NAV1: variants seen among roughly 807,000 people sequenced by gnomAD.
NAV1 encodes the protein neuron navigator 1, also known as pore membrane and/or filament interacting like protein 3.
Under a neutral mutation model 175.2 loss-of-function variants are expected in NAV1, and 18 were observed. The observed-to-expected ratio is 0.10, with a 90% confidence interval of 0.07 to 0.15. The LOEUF (loss-of-function observed/expected upper bound fraction) is 0.15, where lower values mean the gene tolerates loss of function less well. NAV1 is among the 10% of genes least tolerant of loss of function. NAV1 has a pLI of 1.00. For missense variants in NAV1, 1,731 were observed against 2,436.6 expected (o/e 0.71, Z 6.10); for synonymous variants, 897 against 978.7 (o/e 0.92, Z 1.56).
intron 1 of NAV1, among the ~76,000 whole-genome samples, chr1:201,557,027 C>T (rs1273897624): frequency 1.3e-5 from 2 of 152,112 alleles, no homozygotes; most frequent in South Asian, 2.1e-4. Context: ...GACCACAGGG[C>T]CCCCACTTAA....
intron 2 of NAV1, among the ~76,000 whole-genome samples, chr1:201,604,480 G>A (rs1349805458): frequency 3.3e-5 from 5 of 152,064 alleles, no homozygotes; most frequent in Admixed American, 2.0e-4. Flanking sequence ...TCAGGAGTTC[G>A]AGACAAGCCT....
rs147681761 is a variant in NAV1 at position 201,605,230 on chromosome 1, C to T, written c.-33+16581C>T. On this transcript the variant is annotated intron_variant, in intron 2 of 33. Coordinates refer to the NAV1 transcript ENST00000685211. The stretch of plus-strand genomic sequence containing the variant: ...TTCTCTACTTTCCACCTTCCCTCTC[C>T]ATCCTCTCTGCTCCTTTAGACCTTG... Among the ~76,000 whole-genome samples the T allele has an allele frequency of 2.3e-3, 346 of 151,320 alleles. 2 individuals are homozygous for T. Among genetic ancestry groups the T allele is most frequent in the African/African-American group, 8.0e-3 (328 of 41,154 alleles).
At chr1:201,676,581 C>T (rs1479229024) in intron 1 of NAV1, among the ~76,000 whole-genome samples, 1 of 152,046 alleles carries the variant, frequency 6.6e-6, no homozygotes, top group Non-Finnish European at 1.5e-5. Context: ...AGTTTCACCC[C>T]AGTGGTCCAG....
chr1:201,599,478 A>G (rs1667459030), intron 2 of NAV1, among the ~76,000 whole-genome samples: 1 of 152,194 alleles, frequency 6.6e-6, no homozygotes, highest in Non-Finnish European at 1.5e-5. Flanking sequence ...AGCACAGAGC[A>G]CAAAATGAAT....
intron 1 of NAV1, among the ~76,000 whole-genome samples, chr1:201,573,244 G>A (rs1666599201): frequency 6.6e-6 from 1 of 152,242 alleles, no homozygotes; most frequent in Admixed American, 6.5e-5. Flanking sequence ...GCCACAGGGA[G>A]CTGACCCTGG....
chr1:201,776,455 C>CA (rs1470980938), intron 3 of NAV1, among the ~76,000 whole-genome samples: 1 of 150,152 alleles, frequency 6.7e-6, no homozygotes, highest in Non-Finnish European at 1.5e-5. Flanking sequence ...TTCTGGCTAA[C>CA]ACGGTGAAAC....
At chr1:201,653,132 G>C (rs554484415) in intron 1 of NAV1, among the ~76,000 whole-genome samples, 5 of 152,154 alleles carry the variant, frequency 3.3e-5, no homozygotes, top group Non-Finnish European at 7.3e-5. Flanking sequence ...AAAAGCAGAA[G>C]CCGAACAATC....
intron 15 of NAV1, among the ~76,000 whole-genome samples, chr1:201,800,962 G>A (rs1677828575): frequency 6.6e-6 from 1 of 151,992 alleles, no homozygotes; most frequent in South Asian, 2.1e-4. Context: ...CCAAGTAGCT[G>A]GGACCACAGG....
chr1:201,587,620 G>T (rs1437875829), intron 1 of NAV1, among the ~76,000 whole-genome samples: 1 of 152,080 alleles, frequency 6.6e-6, no homozygotes, highest in Non-Finnish European at 1.5e-5. Context: ...GGAGGCACAG[G>T]TTGCAGTGAG....
chr1:201,776,131 A>G (rs903638290), intron 3 of NAV1, among the ~76,000 whole-genome samples: 2 of 152,090 alleles, frequency 1.3e-5, no homozygotes, highest in East Asian at 3.9e-4. Flanking sequence ...ATATATTTAT[A>G]TGTGTGTGTA....
intron 1 of NAV1, among the ~76,000 whole-genome samples, chr1:201,575,930 C>A (rs1220748549): frequency 1.3e-5 from 2 of 152,128 alleles, no homozygotes; most frequent in Non-Finnish European, 2.9e-5. Context: ...CAATTGTTGA[C>A]TTTTATTAAA....
intron 13 of NAV1, 157 bp from the exon 18 acceptor site, chr1:201,793,635 G>A: frequency 1.6e-6 from 1 of 643,176 alleles, no homozygotes; most frequent in Non-Finnish European, 2.7e-6. Context: ...CCCTTTGTCT[G>A]CTCAGGAAAA....
At chr1:201,635,071 C>T (rs1480495485) in intron 2 of NAV1, among the ~76,000 whole-genome samples, 1 of 152,168 alleles carries the variant, frequency 6.6e-6, no homozygotes, top group Non-Finnish European at 1.5e-5. Flanking sequence ...CAGAGTCTCA[C>T]TCTGTCACCC....
At chr1:201,767,897 T>C (rs1263784789) in intron 3 of NAV1, among the ~76,000 whole-genome samples, 2 of 152,252 alleles carry the variant, frequency 1.3e-5, no homozygotes, top group Non-Finnish European at 2.9e-5. Flanking sequence ...GAATGGGATA[T>C]CTTTGGAACT....
At chr1:201,688,811 G>A (rs1010569002) in intron 1 of NAV1, among the ~76,000 whole-genome samples, 1 of 152,198 alleles carries the variant, frequency 6.6e-6, no homozygotes, top group African/African-American at 2.4e-5. Context: ...TCTCTTCCCT[G>A]TCCCTGATAT....
At chr1:201,786,694 T>A (rs1442156270) in intron 9 of NAV1, 117 bp downstream of exon 13, 5 of 1,008,026 alleles carry the variant, frequency 5.0e-6, no homozygotes, top group Admixed American at 2.5e-5. Flanking sequence ...CTGTATTGGG[T>A]TGTTTCATGG....
chr1:201,783,218 T>C (rs1676449875), intron 6 of NAV1, among the ~76,000 whole-genome samples, 188 bp from the exon 11 acceptor site: 1 of 152,206 alleles, frequency 6.6e-6, no homozygotes, highest in African/African-American at 2.4e-5. Context: ...TGGCCCCTTA[T>C]CTAAGCTGAA....
At chr1:201,755,469 A>G (rs1674397799) in intron 3 of NAV1, among the ~76,000 whole-genome samples, 1 of 152,082 alleles carries the variant, frequency 6.6e-6, no homozygotes, top group African/African-American at 2.4e-5. Context: ...GGAAGAAGAG[A>G]AAGAGGAGGA....
intron 3 of NAV1, among the ~76,000 whole-genome samples, chr1:201,775,749 G>A (rs947805881): frequency 1.3e-5 from 2 of 152,144 alleles, no homozygotes; most frequent in African/African-American, 4.8e-5. Flanking sequence ...TTTTAAAGAA[G>A]CCTTGGAAAT....
Sources: allele counts gnomAD v4.1 joint callset (sites outside exome capture counted in the v4.1 genomes callset), GRCh38; gene constraint gnomAD v4.1.1; transcripts MANE v1.5; gene names NCBI Gene and HGNC (gene_info 2026-07-23, HGNC 2026-07-21).